The following CDKL3 variants were observed in gnomAD, a reference collection of about 807,000 sequenced individuals.
CDKL3 encodes the protein cyclin-dependent kinase-like 3.
Under a neutral mutation model 69.3 loss-of-function variants are expected in CDKL3, and 65 were observed. That is an observed-to-expected ratio of 0.94 (90% CI 0.77 to 1.15). The LOEUF is 1.15. Ranked by LOEUF, CDKL3 falls within the 50% of genes most tolerant of loss-of-function variation. CDKL3 has a pLI of 0.00. For synonymous variants in CDKL3, 202 were observed against 221.6 expected, an observed-to-expected ratio of 0.91 and a Z score of 0.79; for missense variants, 652 against 689.2, an observed-to-expected ratio of 0.95 and a Z score of 0.61.
intron 6 of CDKL3, among the ~76,000 whole-genome samples, chr5:134,313,750 T>G (rs1580890376): frequency 6.6e-6 from 1 of 152,140 alleles, no homozygotes; most frequent in Non-Finnish European, 1.5e-5. Flanking sequence ...TGTGGGGTTT[T>G]TTTTTTACCA....
intron 3 of CDKL3, among the ~76,000 whole-genome samples, chr5:134,358,640 T>C (rs926424320): frequency 3.9e-5 from 6 of 152,122 alleles, no homozygotes; most frequent in African/African-American, 1.4e-4. Flanking sequence ...TACAGAATCT[T>C]GCTCTGTCAA....
chr5:134,288,172 G>T (rs1000073441), intron 8 of CDKL3, among the ~76,000 whole-genome samples: 3 of 152,118 alleles, frequency 2.0e-5, no homozygotes, highest in Non-Finnish European at 4.4e-5. Context: ...GGGATTATAG[G>T]CATGAGCCAC....
chr5:134,332,831 A>G (rs1776137173), intron 4 of CDKL3, among the ~76,000 whole-genome samples: 1 of 152,232 alleles, frequency 6.6e-6, no homozygotes, highest in Non-Finnish European at 1.5e-5. Flanking sequence ...TTCTGTGAAG[A>G]AAGCCAGTGG....
chr5:134,301,881 C>T (rs1012653989), intron 12 of CDKL3, among the ~76,000 whole-genome samples: 38 of 149,542 alleles, frequency 2.5e-4, no homozygotes, highest in African/African-American at 8.0e-4. Context: ...AGAGACACTC[C>T]GTCTCAAAAA....
intron 4 of CDKL3, among the ~76,000 whole-genome samples, chr5:134,341,529 T>G (rs1581116859): frequency 6.6e-6 from 1 of 152,354 alleles, no homozygotes; most frequent in Admixed American, 6.5e-5. Flanking sequence ...AGGCAGGCAG[T>G]GAGGGTACGG....
chr5:134,296,966 T>G (rs1039942562), downstream of CDKL3, among the ~76,000 whole-genome samples: 5 of 150,538 alleles, frequency 3.3e-5, no homozygotes, highest in African/African-American at 1.2e-4. Context: ...TTTTTTTTTT[T>G]TTTGAGACTT....
chr5:134,324,691 G>C (rs1267265952), intron 4 of CDKL3, among the ~76,000 whole-genome samples: 2 of 152,102 alleles, frequency 1.3e-5, no homozygotes, highest in African/African-American at 2.4e-5. Context: ...AGCAGTTCTG[G>C]GAGAGGGACG....
intron 4 of CDKL3, among the ~76,000 whole-genome samples, chr5:134,325,095 T>G (rs1228276371): frequency 6.6e-6 from 1 of 152,156 alleles, no homozygotes; most frequent in Admixed American, 6.5e-5. Context: ...GGAGGATCAC[T>G]TGAGCCTGGG....
intron 2 of CDKL3, among the ~76,000 whole-genome samples, chr5:134,360,323 G>C (rs1200378466): frequency 6.6e-6 from 1 of 152,074 alleles, no homozygotes; most frequent in Non-Finnish European, 1.5e-5. Context: ...TCCTGCCTCA[G>C]CCTCCTGAAC....
chr5:134,363,737 T>C (rs1487270667), intron 2 of CDKL3, among the ~76,000 whole-genome samples: 1 of 151,946 alleles, frequency 6.6e-6, no homozygotes, highest in Non-Finnish European at 1.5e-5. Flanking sequence ...CTAGGATTAC[T>C]GGCGTGAACC....
Position 134,298,493 on chromosome 5 carries a change from A to G in CDKL3, c.*158T>C. 1 of 1,419,828 alleles carries G rather than the reference A, an allele frequency of 7.0e-7. No homozygotes were observed. Among genetic ancestry groups the G allele is most frequent in the Non-Finnish European group, 9.2e-7 (1 of 1,092,128 alleles). 88.0% of individuals were successfully genotyped at this position (1,419,828 alleles called of 1,614,324 possible). A position where few individuals can be genotyped will look rare whatever the true frequency, so the allele number is the denominator to read the frequency against. ...CATCAACAGAGTCTTAAAAGGGAAA[A>G]GAAAACAGTAAATGTTTTGCTAACA... is the stretch of plus-strand genomic sequence containing the variant. On this transcript the variant is annotated 3_prime_UTR_variant, in exon 13 of 13. Coordinates refer to ENST00000265334, the MANE Select transcript of CDKL3 (RefSeq NM_001113575.2).
chr5:134,366,620 A>T, intron 1 of CDKL3, 76 bp from the exon 2 acceptor site: 2 of 875,534 alleles, frequency 2.3e-6, no homozygotes, highest in Non-Finnish European at 3.4e-6. Flanking sequence ...GATAATGCAT[A>T]TCCACAATAA....
downstream of CDKL3, among the ~76,000 whole-genome samples, chr5:134,297,948 T>TGTG (rs1765458939): frequency 8.1e-6 from 1 of 123,776 alleles, no homozygotes; most frequent in Non-Finnish European, 1.7e-5. Context: ...GTGTGTGTGT[T>TGTG]TTGAGACAGA....
intron 3 of CDKL3, among the ~76,000 whole-genome samples, chr5:134,357,059 C>T (rs1339845415): frequency 6.6e-6 from 1 of 152,176 alleles, no homozygotes; most frequent in African/African-American, 2.4e-5. Context: ...AGCCTATTTT[C>T]TCAACTATAG....
At chr5:134,334,571 C>T (rs1776589809) in intron 4 of CDKL3, among the ~76,000 whole-genome samples, 1 of 152,100 alleles carries the variant, frequency 6.6e-6, no homozygotes, top group South Asian at 2.1e-4. Flanking sequence ...TCGTAATTTA[C>T]CCAGTAGTCA....
intron 3 of CDKL3, among the ~76,000 whole-genome samples, 155 bp downstream of exon 3, chr5:134,359,742 G>C (rs984691628): frequency 2.6e-5 from 4 of 152,140 alleles, no homozygotes; most frequent in Non-Finnish European, 5.9e-5. Context: ...GCAACTAAAA[G>C]GTAGTGCCCC....
chr5:134,301,044 G>A (rs918297291), intron 12 of CDKL3, among the ~76,000 whole-genome samples: 2 of 151,760 alleles, frequency 1.3e-5, no homozygotes, highest in African/African-American at 4.8e-5. Flanking sequence ...TGTCTAGGCT[G>A]GAGTGCAATG....
At chr5:134,336,538 G>C (rs1262238313) in intron 4 of CDKL3, among the ~76,000 whole-genome samples, 1 of 152,176 alleles carries the variant, frequency 6.6e-6, no homozygotes, top group African/African-American at 2.4e-5. Flanking sequence ...TGATGTCGAT[G>C]CTATTCCTTT....
chr5:134,365,322 G>C (rs1581269975), intron 2 of CDKL3, among the ~76,000 whole-genome samples: 1 of 150,008 alleles, frequency 6.7e-6, no homozygotes, highest in South Asian at 2.1e-4. Flanking sequence ...GTTTCACTAT[G>C]TTGTCCAGGA....
Sources: gnomAD v4.1 joint callset for allele counts (sites outside exome capture counted in the v4.1 genomes callset) on GRCh38, gnomAD v4.1.1 for gene constraint, MANE v1.5 for transcripts, NCBI Gene and HGNC (gene_info 2026-07-23, HGNC 2026-07-21) for gene names.